SAMTOR: variants seen among roughly 807,000 people sequenced by gnomAD.
SAMTOR encodes the protein UPF0532 protein C7orf60.
the SAMTOR span, among the ~76,000 whole-genome samples, chr7:112,920,076 G>A: frequency 1.3e-5 from 2 of 151,502 alleles, no homozygotes; most frequent in Non-Finnish European, 2.9e-5. Flanking sequence ...AGAAAAAGAG[G>A]GAATCCTCCC....
the SAMTOR span, among the ~76,000 whole-genome samples, chr7:112,911,547 G>A: frequency 6.6e-6 from 1 of 151,718 alleles, no homozygotes; most frequent in Non-Finnish European, 1.5e-5. Flanking sequence ...CATAAAGCAG[G>A]AAAAAATGAC....
the SAMTOR span, among the ~76,000 whole-genome samples, chr7:112,907,449 T>C: frequency 6.6e-6 from 1 of 152,080 alleles, no homozygotes. Context: ...TAGGAAAGCT[T>C]TTCTAAGACA....
At chr7:112,934,145 C>A in the SAMTOR span, among the ~76,000 whole-genome samples, 1 of 152,170 alleles carries the variant, frequency 6.6e-6, no homozygotes, top group Non-Finnish European at 1.5e-5. Context: ...GTACCCAGCA[C>A]AGCAGACACC....
the SAMTOR span, among the ~76,000 whole-genome samples, chr7:112,848,846 G>A: frequency 1.3e-5 from 2 of 152,012 alleles, no homozygotes; most frequent in African/African-American, 2.4e-5. Flanking sequence ...TCAGGAGTTC[G>A]AGACCAGCCT....
chr7:112,922,465 AGT>A, the SAMTOR span, among the ~76,000 whole-genome samples: 2 of 150,524 alleles, frequency 1.3e-5, no homozygotes, highest in African/African-American at 4.9e-5. Context: ...CAGTCTGGAA[AGT>A]GAGGAGCGTC....
chr7:112,918,775 T>A, the SAMTOR span, among the ~76,000 whole-genome samples: 2 of 151,800 alleles, frequency 1.3e-5, no homozygotes, highest in African/African-American at 2.4e-5. Context: ...AATGGAAAAC[T>A]AAAAAAGGCA....
At chr7:112,895,658 C>T in the SAMTOR span, 3 of 1,596,928 alleles carry the variant, frequency 1.9e-6, no homozygotes, top group Non-Finnish European at 2.6e-6. Flanking sequence ...CTGGAGTGGT[C>T]TTAGTGGCAA....
chr7:112,847,434 A>G, the SAMTOR span, among the ~76,000 whole-genome samples: 1,929 of 152,338 alleles, frequency 0.013, 34 homozygotes, highest in Admixed American at 0.037. Context: ...CCAAACATAC[A>G]TAAGATAAAC....
the SAMTOR span, among the ~76,000 whole-genome samples, chr7:112,906,644 C>T: frequency 6.6e-6 from 1 of 151,218 alleles, no homozygotes; most frequent in Middle Eastern, 3.4e-3. Context: ...TCTTGGCTCA[C>T]TGCAACCTCC....
the SAMTOR span, among the ~76,000 whole-genome samples, chr7:112,925,747 T>G: frequency 6.8e-6 from 1 of 147,364 alleles, no homozygotes; most frequent in Non-Finnish European, 1.5e-5. Context: ...TGAGCTGAGA[T>G]CATGCCATTG....
chr7:112,880,848 G>A, the SAMTOR span, among the ~76,000 whole-genome samples: 2 of 152,104 alleles, frequency 1.3e-5, no homozygotes, highest in African/African-American at 4.8e-5. Context: ...TGATGGCAGC[G>A]GTAGCCTGTC....
At chr7:112,864,808 G>A in the SAMTOR span, among the ~76,000 whole-genome samples, 1 of 152,188 alleles carries the variant, frequency 6.6e-6, no homozygotes, top group South Asian at 2.1e-4. Flanking sequence ...AGGCTCGAGT[G>A]CAGTGGCACA....
chr7:112,858,149 G>A, the SAMTOR span, among the ~76,000 whole-genome samples: 1 of 152,036 alleles, frequency 6.6e-6, no homozygotes, highest in Admixed American at 6.6e-5. Context: ...TAACTTGTGT[G>A]GTGTGGAGTC....
the SAMTOR span, among the ~76,000 whole-genome samples, chr7:112,850,193 C>T: frequency 6.7e-6 from 1 of 149,808 alleles, no homozygotes; most frequent in East Asian, 1.9e-4. Context: ...AAGAGTGAAA[C>T]TCCGTCTCAA....
chr7:112,847,771 T>A, the SAMTOR span, among the ~76,000 whole-genome samples: 176 of 149,086 alleles, frequency 1.2e-3, 3 homozygotes, highest in African/African-American at 4.5e-3. Context: ...AGAGTGAAAC[T>A]CTGTCTCAAA....
At chr7:112,918,796 T>A in the SAMTOR span, among the ~76,000 whole-genome samples, 3 of 152,114 alleles carry the variant, frequency 2.0e-5, no homozygotes, top group Non-Finnish European at 4.4e-5. Context: ...GCAGGTGCAA[T>A]CCTAGTCTCT....
chr7:112,877,020 C>T, the SAMTOR span, among the ~76,000 whole-genome samples: 1 of 152,206 alleles, frequency 6.6e-6, no homozygotes. Flanking sequence ...ATTTATAACA[C>T]TCTCTTGCTA....
At chr7:112,879,765 C>A in the SAMTOR span, among the ~76,000 whole-genome samples, 1 of 152,070 alleles carries the variant, frequency 6.6e-6, no homozygotes, top group African/African-American at 2.4e-5. Flanking sequence ...ATACATCTGC[C>A]ATGCCCATAA....
chr7:112,899,713 A>G, the SAMTOR span, among the ~76,000 whole-genome samples: 3 of 151,452 alleles, frequency 2.0e-5, no homozygotes, highest in Non-Finnish European at 4.4e-5. Context: ...GAACTCCAAT[A>G]CATCTGGCAG....
Sources: gnomAD v4.1 joint callset for allele counts (sites outside exome capture counted in the v4.1 genomes callset) on GRCh38, gnomAD v4.1.1 for gene constraint, MANE v1.5 for transcripts, NCBI Gene and HGNC (gene_info 2026-07-23, HGNC 2026-07-21) for gene names.